FSTL4: variants seen among roughly 807,000 people sequenced by gnomAD.
FSTL4 encodes the protein follistatin like 4.
FSTL4 carries 28 observed loss-of-function variants against 78.2 expected under a neutral mutation model. That is an observed-to-expected ratio of 0.36 (90% CI 0.27 to 0.49). The LOEUF is 0.49. Ranked by LOEUF, FSTL4 falls within the 20% of genes least tolerant of loss-of-function variation. The pLI is 0.98. For synonymous variants in FSTL4, 422 were observed against 440.5 expected, an observed-to-expected ratio of 0.96 and a Z score of 0.53; for missense variants, 922 against 1,084.9, an observed-to-expected ratio of 0.85 and a Z score of 2.11.
the FSTL4 span, among the ~76,000 whole-genome samples, chr5:133,657,927 A>G: frequency 1.3e-5 from 2 of 152,066 alleles, no homozygotes; most frequent in South Asian, 4.1e-4. Flanking sequence ...GATTTTAGTA[A>G]ATAGCCTTTG....
chr5:133,287,865 C>A (rs1234612637), intron 6 of FSTL4, among the ~76,000 whole-genome samples: 1 of 152,220 alleles, frequency 6.6e-6, no homozygotes, highest in Non-Finnish European at 1.5e-5. Context: ...ACCACCTCCT[C>A]CAGGGAGCCT....
chr5:133,712,012 A>G, the FSTL4 span, among the ~76,000 whole-genome samples: 5 of 151,904 alleles, frequency 3.3e-5, no homozygotes, highest in African/African-American at 1.2e-4. Flanking sequence ...GCTACAAAAT[A>G]CCCCGCCCAG....
the FSTL4 span, among the ~76,000 whole-genome samples, chr5:133,788,269 G>GAACATTA: frequency 2.6e-5 from 4 of 152,320 alleles, no homozygotes; most frequent in Admixed American, 2.6e-4. Context: ...GCTTGTTCTA[G>GAACATTA]GACTTGGACA....
the FSTL4 span, among the ~76,000 whole-genome samples, chr5:133,635,069 AT>A: frequency 7.3e-6 from 1 of 136,410 alleles, no homozygotes; most frequent in Non-Finnish European, 1.6e-5. Context: ...TGCCTATTTT[AT>A]TCTTTAAAAA....
intron 2 of FSTL4, among the ~76,000 whole-genome samples, chr5:133,591,957 C>T (rs951225956): frequency 3.9e-5 from 6 of 152,196 alleles, no homozygotes; most frequent in African/African-American, 1.4e-4. Flanking sequence ...GCCACCAAAG[C>T]GTCCCTGATG....
At chr5:133,350,321 C>G (rs1754795330) in intron 4 of FSTL4, among the ~76,000 whole-genome samples, 1 of 147,864 alleles carries the variant, frequency 6.8e-6, no homozygotes, top group African/African-American at 2.5e-5. Flanking sequence ...GGCACTGAGA[C>G]AAACCCCTTC....
the FSTL4 span, among the ~76,000 whole-genome samples, chr5:133,628,342 GTTTCT>G: frequency 0.022 from 3,302 of 149,294 alleles, 68 homozygotes; most frequent in Non-Finnish European, 0.032. Flanking sequence ...TTTTTTGTTT[GTTTCT>G]TTTCTTTTCT....
chr5:133,415,361 C>T (rs553757686), intron 3 of FSTL4, among the ~76,000 whole-genome samples: 2 of 152,358 alleles, frequency 1.3e-5, no homozygotes, highest in South Asian at 4.1e-4. Context: ...ATTCTAAGTA[C>T]TGGCTCAGTC....
chr5:133,806,736 C>G, the FSTL4 span, among the ~76,000 whole-genome samples: 3 of 152,182 alleles, frequency 2.0e-5, no homozygotes, highest in Admixed American at 6.5e-5. Context: ...TGCTGGGTGG[C>G]TACTGGTACC....
chr5:133,239,039 T>C (rs1189450511), intron 7 of FSTL4, among the ~76,000 whole-genome samples: 1 of 152,056 alleles, frequency 6.6e-6, no homozygotes, highest in Non-Finnish European at 1.5e-5. Context: ...TGGGCCAGCG[T>C]GAGTTTCGGG....
chr5:133,312,710 A>C lies in FSTL4; in HGVS notation c.671T>G (p.Phe224Cys). Residue 224 changes from phenylalanine to cysteine, a missense_variant, in exon 6 of 16, where the codon TTT (phenylalanine) becomes TGT (cysteine). Phe to Cys is a radical substitution (Grantham distance 205). Coordinates refer to ENST00000265342, the MANE Select transcript of FSTL4 (RefSeq NM_015082.2). Reference sequence around the variant, plus strand: ...GGAGCTGTCACTGTTGTAATCGTCAAATCGGAGGAGGTCACCTGGTGAGCA... The same window carrying C: ...GGAGCTGTCACTGTTGTAATCGTCACATCGGAGGAGGTCACCTGGTGAGCA... Reference protein sequence around the residue: ...LGCSPGDLLRFDDYNSDSSLT... With the variant: ...LGCSPGDLLRCDDYNSDSSLT... The C allele has an allele frequency of 1.2e-6, 2 of 1,614,032 alleles. No homozygotes were observed. The highest frequency in any genetic ancestry group is 1.7e-6 in the Non-Finnish European group (2 of 1,179,862).
chr5:133,771,114 T>C, the FSTL4 span, among the ~76,000 whole-genome samples: 1 of 152,174 alleles, frequency 6.6e-6, no homozygotes, highest in Non-Finnish European at 1.5e-5. Flanking sequence ...CATGCTGTTT[T>C]GGTTACTACA....
chr5:133,524,630 T>G (rs910261765), intron 3 of FSTL4, among the ~76,000 whole-genome samples: 1 of 152,198 alleles, frequency 6.6e-6, no homozygotes, highest in Non-Finnish European at 1.5e-5. Context: ...GGACCCGTAC[T>G]TGCAATACTA....
chr5:133,344,211 G>A (rs1754649794), intron 4 of FSTL4, among the ~76,000 whole-genome samples: 1 of 152,088 alleles, frequency 6.6e-6, no homozygotes, highest in Non-Finnish European at 1.5e-5. Flanking sequence ...AACAAAAACT[G>A]CAAATAATAC....
chr5:133,205,567 AT>A (rs1368247864), intron 14 of FSTL4, among the ~76,000 whole-genome samples: 3 of 152,206 alleles, frequency 2.0e-5, no homozygotes, highest in Non-Finnish European at 4.4e-5. Context: ...ATTCTTCACA[AT>A]TTATTCCTTT....
intron 1 of FSTL4, among the ~76,000 whole-genome samples, chr5:133,607,970 C>T (rs866808846): frequency 2.2e-4 from 33 of 152,236 alleles, no homozygotes; most frequent in African/African-American, 6.7e-4. Flanking sequence ...AGGCCGATGC[C>T]CCTCAGCTCA....
At chr5:133,322,103 A>G (rs1754073198) in intron 4 of FSTL4, among the ~76,000 whole-genome samples, 2 of 152,082 alleles carry the variant, frequency 1.3e-5, no homozygotes, top group Admixed American at 1.3e-4. Flanking sequence ...AGCCCCCTCC[A>G]TAGCTGGAAA....
At chr5:133,357,920 G>A (rs1754976417) in intron 4 of FSTL4, among the ~76,000 whole-genome samples, 1 of 152,224 alleles carries the variant, frequency 6.6e-6, no homozygotes, top group African/African-American at 2.4e-5. Context: ...AGTCTGGGCA[G>A]AGGCAGCACA....
chr5:133,236,224 G>C lies in FSTL4; in HGVS notation c.895-2687C>G, dbSNP rs1158734671. Among the ~76,000 whole-genome samples the C allele has an allele frequency of 6.8e-6, 1 of 147,096 alleles. No individual in the cohort carries two copies. The highest frequency in any genetic ancestry group is 1.6e-5 in the Non-Finnish European group (1 of 64,400). On this transcript the variant is annotated intron_variant, in intron 7 of 15. Coordinates refer to ENST00000265342, the MANE Select transcript of FSTL4 (RefSeq NM_015082.2). The surrounding 1 kb of genome is among the most constrained non-coding windows in gnomAD (Gnocchi z 5.0). ...GCAGGCCCTGCCCTCATCACCACCT[G>C]TGTGGTGGTGTTTAGTCATCAGCAC...
Sources: gnomAD v4.1 joint callset for allele counts (sites outside exome capture counted in the v4.1 genomes callset) on GRCh38, gnomAD v4.1.1 for gene constraint, Gnocchi (gnomAD v3.1) non-coding constraint, MANE v1.5 for transcripts, NCBI Gene and HGNC (gene_info 2026-07-23, HGNC 2026-07-21) for gene names.